CDH13: variants seen among roughly 807,000 people sequenced by gnomAD.
CDH13 encodes the protein cadherin 13, also known as cadherin-13.
A neutral mutation model predicts 63.8 loss-of-function variants in CDH13; 24 were observed. The ratio of observed to expected loss-of-function variants is 0.38; its 90% confidence interval spans 0.27 to 0.53. The LOEUF is 0.53. CDH13 is among the 20% of genes least tolerant of loss of function. The pLI, the probability that CDH13 is intolerant of heterozygous loss-of-function variation, is 0.85. For missense variants in CDH13, 1,049 were observed against 903.1 expected (o/e 1.16, Z -2.07); for synonymous variants, 503 against 355.3 (o/e 1.42, Z -4.67).
At chr16:82,669,023 C>A (rs950785489) in intron 1 of CDH13, among the ~76,000 whole-genome samples, 6 of 152,194 alleles carry the variant, frequency 3.9e-5, no homozygotes, top group Non-Finnish European at 5.9e-5. Flanking sequence ...CTCTCATTGC[C>A]ATCCACATCC....
intron 8 of CDH13, among the ~76,000 whole-genome samples, chr16:83,604,009 GT>G (rs1294898843): frequency 6.6e-6 from 1 of 152,012 alleles, no homozygotes; most frequent in African/African-American, 2.4e-5. Flanking sequence ...CACTAGGGGG[GT>G]GGGTGCTAAA....
At chr16:83,665,184 C>T (rs962379198) in intron 8 of CDH13, among the ~76,000 whole-genome samples, 1 of 151,634 alleles carries the variant, frequency 6.6e-6, no homozygotes, top group Non-Finnish European at 1.5e-5. Flanking sequence ...AAAAAAAAAG[C>T]TTCTTCCACA....
At chr16:83,039,797 C>A (rs1326539921) in intron 3 of CDH13, among the ~76,000 whole-genome samples, 1 of 152,140 alleles carries the variant, frequency 6.6e-6, no homozygotes, top group Admixed American at 6.6e-5. Flanking sequence ...ATTGGCCAAG[C>A]TTTCCCATCC....
At chr16:83,123,107 C>G (rs1424396236) in intron 3 of CDH13, among the ~76,000 whole-genome samples, 2 of 151,820 alleles carry the variant, frequency 1.3e-5, no homozygotes, top group African/African-American at 4.8e-5. Flanking sequence ...TGATTTTATT[C>G]TTTTTTTAGG....
In CDH13 at chr16:83,670,775, C is replaced by G. The variant is rs1471227805; in HGVS notation, c.1102-15C>G. ...TTTTCAAAATAGTGACCATTACCAT[C>G]TGCTTTGTTTGCAGTTTCAAGCCAC... On this transcript the variant is annotated splice_polypyrimidine_tract_variant and intron_variant, in intron 8 of 13. Coordinates refer to ENST00000567109, the MANE Select transcript of CDH13 (RefSeq NM_001257.5). 1.2e-6 allele frequency: 2 copies of G among 1,613,230 alleles called. No homozygotes were observed. Among genetic ancestry groups the G allele is most frequent in the African/African-American group, 2.7e-5 (2 of 74,916 alleles).
At chr16:82,780,581 A>G (rs1426165840) in intron 1 of CDH13, among the ~76,000 whole-genome samples, 2 of 152,214 alleles carry the variant, frequency 1.3e-5, no homozygotes, top group African/African-American at 4.8e-5. Context: ...ATCCCATTTA[A>G]TATTTTGATC....
At chr16:83,534,495 C>T (rs2075145886) in intron 7 of CDH13, among the ~76,000 whole-genome samples, 1 of 152,314 alleles carries the variant, frequency 6.6e-6, no homozygotes, top group Middle Eastern at 3.4e-3. Context: ...ACAACCACTA[C>T]CTCCTCTTCC....
intron 5 of CDH13, among the ~76,000 whole-genome samples, chr16:83,318,563 A>G (rs958358183): frequency 2.0e-5 from 3 of 152,152 alleles, no homozygotes; most frequent in Non-Finnish European, 4.4e-5. Context: ...CTGTTACTCA[A>G]AATTGGCCTA....
intron 10 of CDH13, among the ~76,000 whole-genome samples, chr16:83,696,004 C>T (rs1214917941): frequency 6.6e-6 from 1 of 152,132 alleles, no homozygotes; most frequent in South Asian, 2.1e-4. Flanking sequence ...ATCCTCCCAC[C>T]TCAGCCTCCT....
At chr16:82,967,036 A>G (rs1230458294) in intron 2 of CDH13, among the ~76,000 whole-genome samples, 1 of 152,166 alleles carries the variant, frequency 6.6e-6, no homozygotes, top group Non-Finnish European at 1.5e-5. Context: ...GGTTCCTTTA[A>G]TCTGGAAAAG....
chr16:82,930,292 T>C (rs1473523157), intron 2 of CDH13, among the ~76,000 whole-genome samples: 2 of 152,246 alleles, frequency 1.3e-5, no homozygotes, highest in East Asian at 3.9e-4. Context: ...TTTATGTAAA[T>C]GGAATCATAG....
At chr16:83,343,255 G>C (rs916533549) in intron 5 of CDH13, among the ~76,000 whole-genome samples, 5 of 152,044 alleles carry the variant, frequency 3.3e-5, no homozygotes, top group Non-Finnish European at 7.4e-5. Context: ...ATATTTGTAG[G>C]TCATGTATGA....
intron 5 of CDH13, among the ~76,000 whole-genome samples, chr16:83,316,882 G>C (rs1217251657): frequency 6.6e-6 from 1 of 152,112 alleles, no homozygotes; most frequent in African/African-American, 2.4e-5. Flanking sequence ...TCTGGGCTGG[G>C]CTGGGCTGGG....
intron 7 of CDH13, among the ~76,000 whole-genome samples, chr16:83,589,539 G>T (rs1481474750): frequency 1.3e-5 from 2 of 151,754 alleles, no homozygotes; most frequent in Non-Finnish European, 2.9e-5. Flanking sequence ...TGCCACCTAA[G>T]GTAAAATATT....
intron 4 of CDH13, among the ~76,000 whole-genome samples, chr16:83,173,935 G>A (rs2038022291): frequency 6.6e-6 from 1 of 152,040 alleles, no homozygotes; most frequent in South Asian, 2.1e-4. Flanking sequence ...GAACAGAACA[G>A]GCATATCCCT....
At chr16:82,861,141 A>G (rs1353289531) in intron 2 of CDH13, among the ~76,000 whole-genome samples, 1 of 152,250 alleles carries the variant, frequency 6.6e-6, no homozygotes, top group African/African-American at 2.4e-5. Context: ...GAATCATTGT[A>G]TACCAAAGAT....
At chr16:83,784,931 A>G (rs1915779224) in intron 13 of CDH13, among the ~76,000 whole-genome samples, 1 of 152,198 alleles carries the variant, frequency 6.6e-6, no homozygotes, top group Non-Finnish European at 1.5e-5. Flanking sequence ...CTGGCTTTCT[A>G]ACTTTATCTT....
intron 5 of CDH13, among the ~76,000 whole-genome samples, chr16:83,290,087 T>C (rs1381995511): frequency 6.6e-6 from 1 of 152,216 alleles, no homozygotes; most frequent in Non-Finnish European, 1.5e-5. Flanking sequence ...GTATACTCTT[T>C]TCTGTCACCT....
At chr16:83,057,999 C>T (rs1456562062) in intron 3 of CDH13, among the ~76,000 whole-genome samples, 2 of 152,122 alleles carry the variant, frequency 1.3e-5, no homozygotes, top group Admixed American at 1.3e-4. Flanking sequence ...CAAAGATAAT[C>T]ATGTCTTGGA....
Sources: gnomAD v4.1 joint callset for allele counts (sites outside exome capture counted in the v4.1 genomes callset) on GRCh38, gnomAD v4.1.1 for gene constraint, MANE v1.5 for transcripts, NCBI Gene and HGNC (gene_info 2026-07-23, HGNC 2026-07-21) for gene names.